ADGRA3: variants seen among roughly 807,000 people sequenced by gnomAD.
ADGRA3 encodes G-protein coupled receptor 125.
A neutral mutation model predicts 119.8 loss-of-function variants in ADGRA3; 56 were observed. The observed-to-expected ratio is 0.47, with a 90% CI of 0.38 to 0.58. The LOEUF is 0.58. ADGRA3 is among the 20% of genes least tolerant of loss of function. The pLI, the probability that ADGRA3 is intolerant of heterozygous loss-of-function variation, is 0.00. For synonymous variants in ADGRA3, 607 were observed against 623.8 expected (o/e 0.97, Z 0.40); for missense variants, 1,516 against 1,649.0 (o/e 0.92, Z 1.40).
rs1306469508 is a variant in ADGRA3, at chr4:22,422,834, A to G, written c.1605+1357T>C. Among the ~76,000 whole-genome samples the G allele has an allele frequency of 2.6e-5, 4 of 152,186 alleles. No homozygotes were observed. In the East Asian group the frequency reaches 7.7e-4, roughly 29 times the overall value. On this transcript the variant is annotated intron_variant, in intron 11 of 18. Coordinates refer to ENST00000334304, the MANE Select transcript of ADGRA3 (RefSeq NM_145290.4). Reference sequence around the variant, plus strand: ...ATCTAAATGGCGGAGGTGGACATAAATATGACAAGCTAGTCTCAACTGAGG... The same window carrying G: ...ATCTAAATGGCGGAGGTGGACATAAGTATGACAAGCTAGTCTCAACTGAGG...
intron 1 of ADGRA3, among the ~76,000 whole-genome samples, chr4:22,511,034 A>C (rs1165645999): frequency 6.6e-6 from 1 of 152,212 alleles, no homozygotes; most frequent in Non-Finnish European, 1.5e-5. Context: ...AAACATGAAG[A>C]ACCAAAACTC....
At chr4:22,498,715 A>G (rs1454196327) in intron 1 of ADGRA3, among the ~76,000 whole-genome samples, 6 of 152,124 alleles carry the variant, frequency 3.9e-5, no homozygotes, top group Admixed American at 3.9e-4. Context: ...GGAGTTTGAG[A>G]CCAGCCTGAC....
chr4:22,397,214 G>A (rs1340750339), intron 16 of ADGRA3, among the ~76,000 whole-genome samples: 1 of 125,978 alleles, frequency 7.9e-6, no homozygotes, highest in Non-Finnish European at 1.6e-5. Flanking sequence ...ATGGAGTCTC[G>A]CTCTGTCATC....
At chr4:22,475,791 T>C (rs188148546) in intron 1 of ADGRA3, among the ~76,000 whole-genome samples, 1 of 151,474 alleles carries the variant, frequency 6.6e-6, no homozygotes, top group African/African-American at 2.4e-5. Flanking sequence ...AAGGGTGGGA[T>C]GCGGATGAGG....
intron 3 of ADGRA3, among the ~76,000 whole-genome samples, chr4:22,460,742 G>C (rs987280445): frequency 1.3e-5 from 2 of 152,174 alleles, no homozygotes; most frequent in African/African-American, 4.8e-5. Flanking sequence ...TCTTTTGTTA[G>C]AGGTCCAAGC....
chr4:22,498,486 C>T (rs552367593), intron 1 of ADGRA3, among the ~76,000 whole-genome samples: 122 of 147,712 alleles, frequency 8.3e-4, no homozygotes, highest in African/African-American at 2.7e-3. Context: ...GGCATGGTGG[C>T]GGGCGCCTGT....
At chr4:22,426,782 T>C (rs1034643271) in intron 10 of ADGRA3, among the ~76,000 whole-genome samples, 5 of 152,096 alleles carry the variant, frequency 3.3e-5, no homozygotes, top group African/African-American at 9.7e-5. Flanking sequence ...AAATGACAAA[T>C]AATTAAGAAG....
intron 1 of ADGRA3, among the ~76,000 whole-genome samples, chr4:22,474,965 A>G (rs530237457): frequency 1.3e-5 from 2 of 152,298 alleles, no homozygotes; most frequent in South Asian, 4.1e-4. Context: ...GATTTTAGGT[A>G]TTATTATTTT....
At position 22,515,865 on chromosome 4, in the gene ADGRA3, G is replaced by C; in HGVS notation, c.-81C>G. The C allele has an allele frequency of 4.2e-6, 4 of 941,444 alleles. No individual in the cohort carries two copies. The highest frequency in any genetic ancestry group is 5.1e-6 in the Non-Finnish European group (4 of 791,500). 58.3% of individuals were successfully genotyped at this position (941,444 alleles called of 1,614,324 possible). A position where few individuals can be genotyped will look rare whatever the true frequency, so the allele number is the denominator to read the frequency against. On this transcript the variant is annotated 5_prime_UTR_variant, in exon 1 of 19. Transcript: ENST00000334304. Reference sequence around the variant, plus strand: ...CCGGAGCCCGGGCGGGCAGGAGCGCGGCGCGGGCCCAGCGGCGACCGGAGC... The same window carrying C: ...CCGGAGCCCGGGCGGGCAGGAGCGCCGCGCGGGCCCAGCGGCGACCGGAGC...
chr4:22,488,605 T>A (rs1490877535), intron 1 of ADGRA3, among the ~76,000 whole-genome samples: 1 of 151,970 alleles, frequency 6.6e-6, no homozygotes, highest in African/African-American at 2.4e-5. Flanking sequence ...ACTTCGGGGA[T>A]CTAGAGGCCA....
At chr4:22,417,945 T>C (rs969314934) in intron 12 of ADGRA3, among the ~76,000 whole-genome samples, 1 of 152,266 alleles carries the variant, frequency 6.6e-6, no homozygotes, top group Middle Eastern at 3.4e-3. Context: ...GAAAAACTGA[T>C]TTCTAAATTC....
intron 10 of ADGRA3, among the ~76,000 whole-genome samples, chr4:22,425,381 A>G (rs901034948): frequency 4.6e-5 from 7 of 152,168 alleles, no homozygotes; most frequent in African/African-American, 1.4e-4. Flanking sequence ...AGATGTAAAC[A>G]TCTGTCAGGA....
In ADGRA3 at chr4:22,389,188, AAGG is replaced by A; in HGVS notation, c.2628-8_2628-6del. The A allele has an allele frequency of 6.2e-7, 1 of 1,601,824 alleles. No individual in the cohort carries two copies. Among genetic ancestry groups the A allele is most frequent in the Non-Finnish European group, 8.6e-7 (1 of 1,169,080 alleles). ...CCACCACCAATCAGGTAAAATCTAG[AAGG>A]AGGAATCACAGGAAAAACCACTCAT... On this transcript the variant is annotated splice_polypyrimidine_tract_variant and splice_region_variant and intron_variant, in intron 17 of 18. Transcript: ENST00000334304.
chr4:22,456,045 G>C (rs1218051018), intron 3 of ADGRA3, among the ~76,000 whole-genome samples: 1 of 152,014 alleles, frequency 6.6e-6, no homozygotes, highest in South Asian at 2.1e-4. Flanking sequence ...CGCATTCTTC[G>C]AGTTACTCTT....
intron 10 of ADGRA3, among the ~76,000 whole-genome samples, chr4:22,428,632 C>A (rs983390528): frequency 6.6e-6 from 1 of 152,098 alleles, no homozygotes. Flanking sequence ...GTAGTCTTCA[C>A]GATGTTCTCC....
intron 12 of ADGRA3, chr4:22,414,523 T>A: frequency 1.5e-6 from 1 of 656,606 alleles, no homozygotes. Flanking sequence ...CTAAAAACAT[T>A]CCATAGTTGA....
chr4:22,390,986 C>G (rs528037352), intron 17 of ADGRA3, among the ~76,000 whole-genome samples: 1 of 152,216 alleles, frequency 6.6e-6, no homozygotes, highest in African/African-American at 2.4e-5. Flanking sequence ...ACCCCTGCTG[C>G]TCCTTGTCAA....
intron 15 of ADGRA3, among the ~76,000 whole-genome samples, chr4:22,401,951 C>T (rs1185824130): frequency 1.3e-5 from 2 of 152,088 alleles, no homozygotes; most frequent in Middle Eastern, 3.4e-3. Flanking sequence ...GACCCACTGG[C>T]GCAGGTCTAA....
rs188649699 is a variant in ADGRA3 at position 22,451,814 on chromosome 4, C to T, written c.473+3052G>A. On this transcript the variant is annotated intron_variant, in intron 4 of 18. Transcript: ENST00000334304. Reference sequence around the variant, plus strand: ...AATTCCTTCTTTTTGTATACCTTCTCTTTCAGGTGGGAAACAGTAAGAGGA... The same window carrying T: ...AATTCCTTCTTTTTGTATACCTTCTTTTTCAGGTGGGAAACAGTAAGAGGA... Among the ~76,000 whole-genome samples, 30 of 152,230 alleles carry T rather than the reference C, an allele frequency of 2.0e-4. No homozygotes were observed. The East Asian group carries it at 4.6e-3, about 24-fold the overall frequency.
Sources: allele counts gnomAD v4.1 joint callset (sites outside exome capture counted in the v4.1 genomes callset), GRCh38; gene constraint gnomAD v4.1.1; transcripts MANE v1.5; gene names NCBI Gene and HGNC (gene_info 2026-07-23, HGNC 2026-07-21).